The following USP28 variants were observed in gnomAD, a reference collection of about 807,000 sequenced individuals.
USP28 encodes ubiquitin specific peptidase 28.
A neutral mutation model predicts 145.0 loss-of-function variants in USP28; 113 were observed. The ratio of observed to expected loss-of-function variants is 0.78; its 90% CI spans 0.67 to 0.91. The LOEUF (loss-of-function observed/expected upper bound fraction) is 0.91. Ranked by LOEUF, USP28 falls within the 40% of genes least tolerant of loss-of-function variation. The pLI is 0.00. For missense variants in USP28, 1,201 were observed against 1,289.6 expected, an observed-to-expected ratio of 0.93 and a Z score of 1.05; for synonymous variants, 447 against 450.9, an observed-to-expected ratio of 0.99 and a Z score of 0.11.
chr11:113,820,297 A>G (rs1942401850), intron 12 of USP28: 1 of 152,180 alleles, frequency 6.6e-6, no homozygotes. Context: ...CTCACCTGCA[A>G]TGGCACCTCT....
intron 15 of USP28, chr11:113,813,678 G>GT (rs1281464602): frequency 1.9e-6 from 1 of 532,498 alleles, no homozygotes. Context: ...ATTCAAACAA[G>GT]TATGTGTTAG....
At chr11:113,814,352 T>C (rs1941405034) in intron 14 of USP28, among the ~76,000 whole-genome samples, 1 of 152,064 alleles carries the variant, frequency 6.6e-6, no homozygotes, top group Non-Finnish European at 1.5e-5. Flanking sequence ...ATCTTTTTGT[T>C]CCCTAGACAA....
chr11:113,836,904 C>G (rs1159353632), intron 5 of USP28, among the ~76,000 whole-genome samples: 2 of 152,182 alleles, frequency 1.3e-5, no homozygotes, highest in Non-Finnish European at 2.9e-5. Flanking sequence ...CAGCACGTTC[C>G]CTGAACACAC....
intron 1 of USP28, among the ~76,000 whole-genome samples, chr11:113,855,210 T>C (rs1276412371): frequency 1.3e-5 from 2 of 152,248 alleles, no homozygotes; most frequent in African/African-American, 2.4e-5. Flanking sequence ...ACCTAAATCA[T>C]GGAAAAACCT....
intron 9 of USP28, among the ~76,000 whole-genome samples, chr11:113,830,504 A>G (rs1943863081): frequency 6.6e-6 from 1 of 152,214 alleles, no homozygotes; most frequent in Non-Finnish European, 1.5e-5. Context: ...TCTAGTCTAG[A>G]AAAACATTTT....
intron 5 of USP28, among the ~76,000 whole-genome samples, chr11:113,836,400 G>T (rs1341665383): frequency 6.6e-6 from 1 of 151,994 alleles, no homozygotes; most frequent in Non-Finnish European, 1.5e-5. Flanking sequence ...CTTGCACATG[G>T]TCTCTCTGCT....
At chr11:113,831,522 T>C (rs547374464) in intron 8 of USP28, among the ~76,000 whole-genome samples, 10 of 152,196 alleles carry the variant, frequency 6.6e-5, no homozygotes, top group Non-Finnish European at 1.3e-4. Flanking sequence ...TCTCAGTGAC[T>C]GAAATGACTA....
intron 10 of USP28, chr11:113,828,916 G>T: frequency 1.8e-6 from 1 of 570,132 alleles, no homozygotes; most frequent in Non-Finnish European, 3.3e-6. Context: ...TCAGGTACAG[G>T]TAGGCTTCAA....
chr11:113,834,249 T>C, exon 6 of USP28: 1 of 1,609,512 alleles, frequency 6.2e-7, no homozygotes, highest in Non-Finnish European at 8.5e-7. Flanking sequence ...ACCAACTTAC[T>C]GTATGACTTC....
chr11:113,804,675 T>G (rs952282972), exon 21 of USP28: 6 of 1,613,930 alleles, frequency 3.7e-6, no homozygotes, highest in Non-Finnish European at 5.1e-6. Flanking sequence ...CACTTTACCT[T>G]GTACTCTTCC....
At chr11:113,806,662 AAC>A in intron 18 of USP28, 78 bp from the exon 20 acceptor site, 1 of 1,047,134 alleles carries the variant, frequency 9.5e-7, no homozygotes, top group Non-Finnish European at 1.4e-6. Flanking sequence ...AAGCAGGCTG[AAC>A]AGAGTGCTAA....
At chr11:113,874,046 C>G (rs1468068314) in intron 1 of USP28, among the ~76,000 whole-genome samples, 2 of 150,436 alleles carry the variant, frequency 1.3e-5, no homozygotes, top group Non-Finnish European at 2.9e-5. Context: ...GAGGCTGAGG[C>G]AGGAGAATCG....
intron 1 of USP28, among the ~76,000 whole-genome samples, chr11:113,864,020 C>T (rs577256291): frequency 1.3e-5 from 2 of 151,572 alleles, no homozygotes; most frequent in African/African-American, 4.8e-5. Flanking sequence ...GGATGGATCA[C>T]CTGAGGTCAG....
exon 24 of USP28, chr11:113,801,646 T>G (rs1345832743): frequency 6.3e-7 from 1 of 1,584,002 alleles, no homozygotes; most frequent in Non-Finnish European, 8.6e-7. Flanking sequence ...CATCATTTGT[T>G]TCAAAAAGAG....
intron 1 of USP28, among the ~76,000 whole-genome samples, chr11:113,860,945 C>CT (rs1321491817): frequency 6.6e-6 from 1 of 151,680 alleles, no homozygotes; most frequent in African/African-American, 2.4e-5. Flanking sequence ...AGTGAAACTC[C>CT]GTCTCTACTA....
At chr11:113,837,801 A>G (rs547500358) in intron 5 of USP28, among the ~76,000 whole-genome samples, 19 of 152,270 alleles carry the variant, frequency 1.2e-4, no homozygotes, top group Middle Eastern at 3.4e-3. Context: ...GAAACTGAAC[A>G]TTTTCGTATC....
chr11:113,830,838 A>G (rs1384920274), intron 9 of USP28, 29 bp downstream of exon 9: 1 of 1,603,794 alleles, frequency 6.2e-7, no homozygotes, highest in Non-Finnish European at 8.5e-7. Context: ...TCAAAGGTCT[A>G]GAATTAAAAT....
In USP28 at chr11:113,813,926, G is replaced by A; in HGVS notation, c.1702C>T (p.Gln568Ter). 2 of 1,610,582 alleles carry A rather than the reference G, an allele frequency of 1.2e-6. No homozygotes were observed. Among genetic ancestry groups the A allele is most frequent in the Non-Finnish European group, 1.7e-6 (2 of 1,179,110 alleles). Residue 568 changes from glutamine (Q) to a stop codon, truncating the protein, a stop_gained, in exon 15 of 25, where the codon CAG (glutamine) becomes TAG (stop). Coordinates refer to ENST00000003302, the Ensembl canonical transcript of USP28. LOFTEE classifies it high-confidence loss of function. ...TCGCAGTACATCTGTTCAATAGTCTGAGTAGTACTTGCAATACAAGTCTTT... is the reference window on the plus strand; with the variant it reads ...TCGCAGTACATCTGTTCAATAGTCTAAGTAGTACTTGCAATACAAGTCTTT...
intron 1 of USP28, among the ~76,000 whole-genome samples, chr11:113,875,117 T>C (rs1181474651): frequency 2.0e-5 from 3 of 152,204 alleles, no homozygotes; most frequent in Non-Finnish European, 4.4e-5. Context: ...CGGAAGTTTC[T>C]CACCCCGGAC....
Sources: gnomAD v4.1 joint callset for allele counts (sites outside exome capture counted in the v4.1 genomes callset) on GRCh38, gnomAD v4.1.1 for gene constraint, MANE v1.5 for transcripts, NCBI Gene and HGNC (gene_info 2026-07-23, HGNC 2026-07-21) for gene names.